Variants in GMDS observed in about 807,000 individuals in gnomAD.
GMDS encodes the protein GDP-mannose 4,6 dehydratase.
A neutral mutation model predicts 49.9 loss-of-function variants in GMDS; 20 were observed. That is an observed-to-expected ratio of 0.40 (90% CI 0.28 to 0.58). The LOEUF (loss-of-function observed/expected upper bound fraction) is 0.58. Ranked by LOEUF, GMDS falls within the 20% of genes least tolerant of loss-of-function variation. GMDS has a pLI of 0.42. For missense variants in GMDS, 362 were observed against 481.4 expected (o/e 0.75, Z 2.32); for synonymous variants, 177 against 178.6 (o/e 0.99, Z 0.07).
chr6:2,016,052 A>ACATAC (rs111857394), intron 4 of GMDS, among the ~76,000 whole-genome samples: 96,983 of 143,500 alleles, frequency 0.68, 33,169 homozygotes, highest in Middle Eastern at 0.72. Context: ...AGCCTAGGCA[A>ACATAC]CAAAACCCTG....
intron 9 of GMDS, among the ~76,000 whole-genome samples, chr6:1,719,961 C>A (rs1465384752): frequency 6.6e-6 from 1 of 152,166 alleles, no homozygotes; most frequent in Admixed American, 6.5e-5. Flanking sequence ...AAAAAAGGTA[C>A]AGATGTTGCA....
chr6:1,847,311 C>T (rs531910628), intron 7 of GMDS, among the ~76,000 whole-genome samples: 3 of 152,288 alleles, frequency 2.0e-5, no homozygotes, highest in African/African-American at 7.2e-5. Context: ...TTGCCTTGGC[C>T]TCCTGAAGAT....
chr6:1,829,733 C>T (rs1771274008), intron 7 of GMDS, among the ~76,000 whole-genome samples: 1 of 152,258 alleles, frequency 6.6e-6, no homozygotes, highest in African/African-American at 2.4e-5. Context: ...GCCACCACAT[C>T]TGGCTGCTTA....
intron 9 of GMDS, among the ~76,000 whole-genome samples, chr6:1,689,127 G>C (rs1765083237): frequency 6.6e-6 from 1 of 152,214 alleles, no homozygotes; most frequent in Non-Finnish European, 1.5e-5. Flanking sequence ...TCAAGCTGAG[G>C]TTGTGGTTGT....
chr6:1,797,162 G>A (rs996980044), intron 7 of GMDS, among the ~76,000 whole-genome samples: 7 of 152,172 alleles, frequency 4.6e-5, no homozygotes, highest in Non-Finnish European at 8.8e-5. Context: ...TCACAGGAGC[G>A]TGAACCCTAC....
At chr6:2,109,477 C>G (rs1171219213) in intron 4 of GMDS, among the ~76,000 whole-genome samples, 1 of 152,198 alleles carries the variant, frequency 6.6e-6, no homozygotes, top group African/African-American at 2.4e-5. Context: ...CAGCCTAAGG[C>G]AGGTGCTTGC....
rs560420316 is a variant in GMDS, at chr6:1,998,577, C to G, written c.346-37611G>C. On this transcript the variant is annotated intron_variant, in intron 4 of 10. Transcript: ENST00000380815. ...TTCAGCAGCTGCAGATTCAATCAAC[C>G]ACAATTCAAAATATTCAGAAAAAAA... 2.0e-5 allele frequency among the ~76,000 whole-genome samples: 3 copies of G among 152,178 alleles called. No individual in the cohort carries two copies. In the South Asian group the frequency reaches 6.2e-4, roughly 32 times the overall value.
chr6:1,648,493 C>T (rs769879732), intron 9 of GMDS, among the ~76,000 whole-genome samples: 13 of 152,220 alleles, frequency 8.5e-5, no homozygotes, highest in Non-Finnish European at 1.6e-4. Flanking sequence ...CTTAATTTCA[C>T]AACTAGCCTC....
chr6:2,126,946 G>C (rs777681105), intron 1 of GMDS, among the ~76,000 whole-genome samples: 1 of 152,182 alleles, frequency 6.6e-6, no homozygotes, highest in Non-Finnish European at 1.5e-5. Context: ...ATCTCCAGCA[G>C]ATTTTCTTCT....
chr6:1,945,109 G>C (rs1184220948), intron 6 of GMDS, among the ~76,000 whole-genome samples: 1 of 152,136 alleles, frequency 6.6e-6, no homozygotes, highest in Non-Finnish European at 1.5e-5. Context: ...TCTAAGAATT[G>C]TGTGCCAGTC....
chr6:1,883,130 C>T (rs533720443), intron 7 of GMDS, among the ~76,000 whole-genome samples: 4 of 152,092 alleles, frequency 2.6e-5, no homozygotes, highest in Non-Finnish European at 5.9e-5. Context: ...GGGCCGGGTG[C>T]GGTGGCAATC....
At chr6:2,102,349 G>A (rs1773974374) in intron 4 of GMDS, among the ~76,000 whole-genome samples, 1 of 151,944 alleles carries the variant, frequency 6.6e-6, no homozygotes, top group Non-Finnish European at 1.5e-5. Flanking sequence ...TATTGTCAAG[G>A]AAAATAAATG....
chr6:2,194,414 G>A (rs1357974692), intron 1 of GMDS, among the ~76,000 whole-genome samples: 1 of 152,104 alleles, frequency 6.6e-6, no homozygotes, highest in African/African-American at 2.4e-5. Flanking sequence ...ATTCCTCATG[G>A]AATATATTTT....
At chr6:1,653,417 T>C (rs1561702427) in intron 9 of GMDS, among the ~76,000 whole-genome samples, 1 of 152,186 alleles carries the variant, frequency 6.6e-6, no homozygotes, top group African/African-American at 2.4e-5. Flanking sequence ...AAAATCCCAA[T>C]GATGTTTTTG....
intron 4 of GMDS, among the ~76,000 whole-genome samples, chr6:1,967,968 T>C (rs535966372): frequency 1.3e-5 from 2 of 152,332 alleles, no homozygotes; most frequent in South Asian, 4.1e-4. Context: ...GTCAATTCTG[T>C]AGTCTACAAA....
intron 4 of GMDS, among the ~76,000 whole-genome samples, chr6:1,971,192 G>A (rs970464018): frequency 1.3e-5 from 2 of 152,114 alleles, no homozygotes; most frequent in Non-Finnish European, 2.9e-5. Context: ...TGTTCAGTGG[G>A]CACTGGGGAG....
chr6:2,231,020 T>C (rs1781082276), intron 1 of GMDS, among the ~76,000 whole-genome samples: 1 of 135,086 alleles, frequency 7.4e-6, no homozygotes, highest in Admixed American at 8.6e-5. Flanking sequence ...GTCAACATTA[T>C]AAGGACAGGG....
chr6:2,063,650 TAA>T (rs1771330322), intron 4 of GMDS, among the ~76,000 whole-genome samples: 1 of 152,126 alleles, frequency 6.6e-6, no homozygotes, highest in Non-Finnish European at 1.5e-5. Context: ...CCAAACTCAA[TAA>T]AAGAGGTGAA....
chr6:2,163,436 T>TGTGA (rs1554176076), intron 1 of GMDS, among the ~76,000 whole-genome samples: 5 of 150,726 alleles, frequency 3.3e-5, no homozygotes, highest in African/African-American at 4.9e-5. Flanking sequence ...TGTGTGTGTG[T>TGTGA]GAGAGAGAGA....
Sources: allele counts gnomAD v4.1 joint callset (sites outside exome capture counted in the v4.1 genomes callset), GRCh38; gene constraint gnomAD v4.1.1; transcripts MANE v1.5; gene names NCBI Gene and HGNC (gene_info 2026-07-23, HGNC 2026-07-21).